The following USP7 variants were observed in gnomAD, a reference collection of about 807,000 sequenced individuals.
USP7 encodes ubiquitin C-terminal hydrolase 7.
Under a neutral mutation model 162.9 loss-of-function variants are expected in USP7, and 9 were observed. That is an observed-to-expected ratio of 0.06 (90% CI 0.03 to 0.10). The LOEUF (loss-of-function observed/expected upper bound fraction) is 0.10, where lower values mean the gene tolerates loss of function less well. Ranked by LOEUF, USP7 falls within the 10% of genes least tolerant of loss-of-function variation. The pLI is 1.00. For missense variants in USP7, 715 were observed against 1,373.7 expected (o/e 0.52, Z 7.58); for synonymous variants, 562 against 475.9 (o/e 1.18, Z -2.35).
At chr16:8,936,699 A>T in intron 1 of USP7, 1 of 1,469,200 alleles carries the variant, frequency 6.8e-7, no homozygotes, top group Non-Finnish European at 9.0e-7. Flanking sequence ...AATCTCTAGG[A>T]GCTCTACCTC....
rs2061743360 is a variant in USP7 at position 8,899,639 on chromosome 16, C to T, written c.2428G>A (p.Val810Met). 6.2e-7 allele frequency: 1 copy of T among 1,614,208 alleles called. No homozygotes were observed. Among genetic ancestry groups the T allele is most frequent in the African/African-American group, 1.3e-5 (1 of 75,060 alleles). Residue 810 changes from valine (V) to methionine (M), a missense_variant, in exon 22 of 31, where the codon GTG (valine) becomes ATG (methionine). By Grantham distance (21) the Val-to-Met change is conservative (BLOSUM62 1). Around this residue, in one of 11 missense-constraint regions of USP7, gnomAD observed 222 missense variants for 441.7 expected, o/e 0.50. Coordinates refer to ENST00000344836, the MANE Select transcript of USP7 (RefSeq NM_003470.3). ...DKTIPNDPGF[V>M]VTLSNRMNYF... ...TTCATTCTATTTGATAACGTAACCA[C>T]AAATCCAGGATCATTAGGGATTGTT...
rs1328193052 is a variant in USP7 at position 8,963,689 on chromosome 16, T to TCGGGCCGGGCGCGGCGGACGGGAGGC, written c.-430_-405dup. 7.3e-6 allele frequency among the ~76,000 whole-genome samples: 1 copy of TCGGGCCGGGCGCGGCGGACGGGAGGC among 137,446 alleles called. No homozygotes were observed. The highest frequency in any genetic ancestry group is 2.6e-5 in the African/African-American group (1 of 37,928). 90.2% of individuals were successfully genotyped at this position (137,446 alleles called of 152,430 possible). A position where few individuals can be genotyped will look rare whatever the true frequency, so the allele number is the denominator to read the frequency against. On this transcript the variant is annotated 5_prime_UTR_variant, in exon 1 of 31. Coordinates refer to ENST00000344836, the MANE Select transcript of USP7 (RefSeq NM_003470.3). ...CGGGGGCCGCGGAGTCAGCCCCGCC[T>TCGGGCCGGGCGCGGCGGACGGGAGGC]CGGGCCGGGCGCGGCGGACGGGAGG...
intron 20 of USP7, 82 bp downstream of exon 20, chr16:8,900,908 A>G (rs748456091): frequency 4.2e-4 from 605 of 1,427,326 alleles, no homozygotes; most frequent in Non-Finnish European, 5.5e-4. Context: ...ACACTGTAAC[A>G]AATTCGGGGT....
Position 8,920,085 on chromosome 16 carries a change from A to C in USP7, c.611+274T>G, listed in dbSNP as rs1423033876. ...TTTATGTACCGGTCTTAGCTCCTCT[A>C]TGAAAGCTGAGTGTACATTCTTTAG... On this transcript the variant is annotated intron_variant, in intron 5 of 30. Transcript: ENST00000344836. Among the ~76,000 whole-genome samples, 3 of 152,188 alleles carry C rather than the reference A, an allele frequency of 2.0e-5. No individual in the cohort carries two copies. The South Asian group carries it at 6.2e-4, about 32-fold the overall frequency.
intron 1 of USP7, among the ~76,000 whole-genome samples, chr16:8,944,179 G>A (rs1253502541): frequency 5.9e-5 from 9 of 151,474 alleles, no homozygotes; most frequent in Non-Finnish European, 1.2e-4. Flanking sequence ...ATGTTTCCGG[G>A]AATATGCATT....
At chr16:8,924,149 T>TA (rs1163481210) in intron 2 of USP7, among the ~76,000 whole-genome samples, 1 of 152,230 alleles carries the variant, frequency 6.6e-6, no homozygotes, top group African/African-American at 2.4e-5. Flanking sequence ...GGTCTCCATT[T>TA]AAAATTCAAT....
intron 1 of USP7, among the ~76,000 whole-genome samples, chr16:8,952,207 G>T (rs932042837): frequency 6.6e-6 from 1 of 152,082 alleles, no homozygotes; most frequent in African/African-American, 2.4e-5. Context: ...CGGTGATTGC[G>T]CCACTGAATT....
chr16:8,895,665 T>C lies in USP7; in HGVS notation c.2896A>G (p.Thr966Ala), dbSNP rs2061670191. Residue 966 changes from threonine to alanine, a missense_variant, in exon 27 of 31, where the codon ACG (threonine) becomes GCG (alanine). This residue lies in a region of USP7 where 222 missense variants were observed against 441.7 expected (regional missense o/e 0.50). Transcript: ENST00000344836. ...DELLECLSPA[T>A]SRTFRIEEIP... ...ACCTCTATTCGAAACGTCCGGCTCGTTGCAGGAGATAAACATTCTAATAGT... is the reference window on the plus strand; with the variant it reads ...ACCTCTATTCGAAACGTCCGGCTCGCTGCAGGAGATAAACATTCTAATAGT... The C allele has an allele frequency of 6.2e-7, 1 of 1,613,182 alleles. No homozygotes were observed.
chr16:8,939,250 A>C (rs565534377), intron 1 of USP7, among the ~76,000 whole-genome samples: 9 of 152,274 alleles, frequency 5.9e-5, no homozygotes, highest in African/African-American at 9.6e-5. Flanking sequence ...CCCTGTTACG[A>C]CCACCCACCC....
chr16:8,908,582 T>C, intron 11 of USP7, 132 bp from the exon 12 acceptor site: 1 of 674,454 alleles, frequency 1.5e-6, no homozygotes, highest in Non-Finnish European at 2.5e-6. Context: ...AGTTTAGGTG[T>C]CCATTTAGGG....
intron 2 of USP7, among the ~76,000 whole-genome samples, chr16:8,926,085 C>T (rs1455548268): frequency 2.0e-5 from 3 of 150,256 alleles, no homozygotes; most frequent in Admixed American, 1.3e-4. Flanking sequence ...ACCCGGGAGG[C>T]GAAGCTTGCA....
intron 11 of USP7, 128 bp from the exon 12 acceptor site, chr16:8,908,578 G>T: frequency 2.8e-6 from 2 of 717,850 alleles, no homozygotes; most frequent in Non-Finnish European, 4.6e-6. Context: ...GGGAAGTTTA[G>T]GTGTCCATTT....
Position 8,913,917 on chromosome 16 carries a change from T to C in USP7, c.1078+1337A>G, listed in dbSNP as rs184315650. Among the ~76,000 whole-genome samples, 652 of 151,944 alleles carry C rather than the reference T, an allele frequency of 4.3e-3. 17 individuals are homozygous for C. Among genetic ancestry groups the C allele is most frequent in the African/African-American group, 0.015 (603 of 41,306 alleles). ...GTGCATGCCACCACGCCCAGCTAATTTGTAGAGATGGAGTCTCACTATGTT... is the reference window on the plus strand; with the variant it reads ...GTGCATGCCACCACGCCCAGCTAATCTGTAGAGATGGAGTCTCACTATGTT... On this transcript the variant is annotated intron_variant, in intron 10 of 30. Transcript: ENST00000344836.
At chr16:8,948,489 G>A (rs1482163032) in intron 1 of USP7, among the ~76,000 whole-genome samples, 1 of 152,140 alleles carries the variant, frequency 6.6e-6, no homozygotes, top group East Asian at 1.9e-4. Context: ...CTGGCCCCCA[G>A]TTAACTCAAC....
At chr16:8,914,640 C>G (rs2062000684) in intron 10 of USP7, among the ~76,000 whole-genome samples, 1 of 152,132 alleles carries the variant, frequency 6.6e-6, no homozygotes, top group Non-Finnish European at 1.5e-5. Context: ...CAGACACAGG[C>G]TGGACATGGC....
In USP7 at chr16:8,963,273, G is replaced by C. The variant is rs1900095563; in HGVS notation, c.13C>G (p.Gln5Glu). The change falls in exon 1 of 31, where the codon CAG (glutamine) becomes GAG (glutamate). Residue 5 changes from glutamine (Q) to glutamate (E), a missense_variant. Transcript: ENST00000344836. ...CCCGCTTTCTGCTGCTGCTGCTGCT[G>C]CTGGTGGTTCATGTCGGCCGCGGCC... MNHQ[Q>E]QQQQQKAGEQ... 2.2e-6 allele frequency: 3 copies of C among 1,348,440 alleles called. No individual in the cohort carries two copies. The South Asian group carries it at 4.3e-5, about 19-fold the overall frequency. 83.5% of individuals were successfully genotyped at this position (1,348,440 alleles called of 1,614,324 possible). A position where few individuals can be genotyped will look rare whatever the true frequency, so the allele number is the denominator to read the frequency against.
intron 7 of USP7, 126 bp downstream of exon 7, chr16:8,916,900 C>T (rs1724357892): frequency 5.3e-6 from 6 of 1,124,936 alleles, no homozygotes; most frequent in Non-Finnish European, 7.3e-6. Context: ...CGATTAAATG[C>T]TCAAGCCTCC....
chr16:8,946,236 A>G (rs1008071746), intron 1 of USP7, among the ~76,000 whole-genome samples: 1 of 152,226 alleles, frequency 6.6e-6, no homozygotes, highest in African/African-American at 2.4e-5. Context: ...GGTAGGGCAA[A>G]TATTTGGACA....
At chr16:8,914,244 T>C (rs1157818512) in intron 10 of USP7, among the ~76,000 whole-genome samples, 1 of 152,010 alleles carries the variant, frequency 6.6e-6, no homozygotes, top group African/African-American at 2.4e-5. Context: ...AGCACTATAC[T>C]CCCACCAAAA....
Sources: allele counts gnomAD v4.1 joint callset (sites outside exome capture counted in the v4.1 genomes callset), GRCh38; gene constraint gnomAD v4.1.1; regional missense constraint gnomAD v4.1.1; transcripts MANE v1.5; gene names NCBI Gene and HGNC (gene_info 2026-07-23, HGNC 2026-07-21).